The following PCDH17 variants were observed in gnomAD, a reference collection of about 807,000 sequenced individuals.
PCDH17 encodes the protein protocadherin-17.
PCDH17 carries 21 observed loss-of-function variants against 67.7 expected under a neutral mutation model. That is an observed-to-expected ratio of 0.31 (90% CI 0.22 to 0.45). PCDH17 has a LOEUF of 0.45. Among genes scored for constraint, PCDH17 ranks in the 20% least tolerant of loss-of-function variants. PCDH17 has a pLI of 1.00. For synonymous variants in PCDH17, 701 were observed against 656.7 expected (o/e 1.07, Z -1.03); for missense variants, 1,471 against 1,564.8 (o/e 0.94, Z 1.01).
intron 1 of PCDH17, among the ~76,000 whole-genome samples, chr13:57,639,298 T>C (rs1954862306): frequency 6.6e-6 from 1 of 151,948 alleles, no homozygotes; most frequent in Non-Finnish European, 1.5e-5. Flanking sequence ...AAACTTAATT[T>C]AAAATATAAT....
At chr13:57,668,281 G>A (rs1284956260) in intron 3 of PCDH17, among the ~76,000 whole-genome samples, 1 of 151,982 alleles carries the variant, frequency 6.6e-6, no homozygotes, top group East Asian at 1.9e-4. Flanking sequence ...TACACTGCAT[G>A]AGATAGACCC....
chr13:57,692,639 A>G (rs1955569595), intron 3 of PCDH17, among the ~76,000 whole-genome samples: 2 of 151,188 alleles, frequency 1.3e-5, no homozygotes, highest in Admixed American at 1.3e-4. Context: ...AAAGAACACA[A>G]ATTAACTTGT....
Position 57,662,034 on chromosome 13 carries a change from A to G in PCDH17, c.2566-4434A>G, listed in dbSNP as rs541983589. ...GCCTTGAAACCCAGTTAATTTTTGT[A>G]TTTTTCTTTTAGTAGACAAGGGATT... On this transcript the variant is annotated intron_variant, in intron 1 of 3. Coordinates refer to ENST00000377918, the MANE Select transcript of PCDH17 (RefSeq NM_001040429.3). Among the ~76,000 whole-genome samples, 5 of 151,796 alleles carry G rather than the reference A, an allele frequency of 3.3e-5. No homozygotes were observed. The East Asian group carries it at 5.8e-4, about 18-fold the overall frequency.
intron 3 of PCDH17, among the ~76,000 whole-genome samples, chr13:57,684,629 A>C (rs1375774034): frequency 6.6e-6 from 1 of 151,980 alleles, no homozygotes; most frequent in Non-Finnish European, 1.5e-5. Context: ...ATATTTCATT[A>C]ACCATCATTT....
At chr13:57,709,915 G>A (rs892804571) in intron 3 of PCDH17, among the ~76,000 whole-genome samples, 4 of 151,772 alleles carry the variant, frequency 2.6e-5, no homozygotes, top group Non-Finnish European at 5.9e-5. Flanking sequence ...TATTGTTTCT[G>A]CATTAATGCT....
Position 57,724,719 on chromosome 13 carries a change from T to G in PCDH17, c.2905T>G (p.Tyr969Asp). The G allele has an allele frequency of 6.2e-7, 1 of 1,614,084 alleles. No homozygotes were observed. Among genetic ancestry groups the G allele is most frequent in the South Asian group, 1.1e-5 (1 of 91,088 alleles). The stretch of plus-strand genomic sequence containing the variant: ...AGCCAATCAGGCTGAAAATGCAGAT[T>G]ACCGCACAAATCTCTTTGTACCTAC... ...PAANQAENAD[Y>D]RTNLFVPTVE... is the part of the protein sequence containing the mutation. The change falls in exon 4 of 4, where the codon TAC (tyrosine) becomes GAC (aspartate). Residue 969 changes from tyrosine (Y) to aspartate (D), a missense_variant. By Grantham distance (160) the Tyr-to-Asp change is radical. Around this residue, in one of 3 missense-constraint regions of PCDH17, gnomAD observed 297 missense variants for 298.6 expected, o/e 0.99. Transcript: ENST00000377918.
In PCDH17 at chr13:57,634,737, A is replaced by G. The variant is rs369746304; in HGVS notation, c.2191A>G (p.Lys731Glu). The change falls in exon 1 of 4, where the codon AAG becomes GAG. Residue 731 changes from lysine to glutamate, a missense_variant. Lys to Glu is a moderately conservative substitution (Grantham distance 56, BLOSUM62 1). This residue lies in a region of PCDH17 where 1,163 missense variants were observed against 1,230.0 expected (regional missense o/e 0.95). Coordinates refer to ENST00000377918, the MANE Select transcript of PCDH17 (RefSeq NM_001040429.3). The surrounding 1 kb of genome is among the most constrained non-coding windows in gnomAD (Gnocchi z 7.8). ...CATGATCACCATCGCCGTCAAGTGC[A>G]AGCGCGAGAACAAGGAGATCCGCAC... ...AAMITIAVKC[K>E]RENKEIRTYN... 2.0e-5 allele frequency: 32 copies of G among 1,613,978 alleles called. No homozygotes were observed. Among genetic ancestry groups the G allele is most frequent in the Non-Finnish European group, 2.7e-5 (32 of 1,180,018 alleles).
At chr13:57,638,758 TAGTGTAAACAATAAACTC>T (rs1368534264) in intron 1 of PCDH17, among the ~76,000 whole-genome samples, 2 of 151,962 alleles carry the variant, frequency 1.3e-5, no homozygotes, top group African/African-American at 4.8e-5. Flanking sequence ...TAACGTATCA[TAGTGTAAACAATAAACTC>T]AATATTGCAG....
rs1339847013 is a variant in PCDH17, at chr13:57,677,516, G to T, written c.2797+10683G>T. Among the ~76,000 whole-genome samples the T allele has an allele frequency of 2.0e-5, 3 of 151,752 alleles. No individual in the cohort carries two copies. In the East Asian group the frequency reaches 5.8e-4, roughly 29 times the overall value. The stretch of plus-strand genomic sequence containing the variant: ...GAAGATATATATACAGTGTTTCAAA[G>T]AATTGTTTGATGTATTCAGAGGAGA... On this transcript the variant is annotated intron_variant, in intron 3 of 3. Transcript: ENST00000377918.
At chr13:57,645,186 G>C (rs1031985574) in intron 1 of PCDH17, among the ~76,000 whole-genome samples, 1 of 151,556 alleles carries the variant, frequency 6.6e-6, no homozygotes. Context: ...TAAACCTCTC[G>C]ATCAGTGTTT....
At chr13:57,664,566 T>G (rs1955226677) in intron 1 of PCDH17, among the ~76,000 whole-genome samples, 1 of 152,182 alleles carries the variant, frequency 6.6e-6, no homozygotes, top group Admixed American at 6.6e-5. Flanking sequence ...TCCACTTAAT[T>G]AAAACCATTA....
intron 1 of PCDH17, among the ~76,000 whole-genome samples, chr13:57,640,959 T>A (rs573257931): frequency 2.0e-5 from 3 of 152,106 alleles, no homozygotes; most frequent in Admixed American, 2.0e-4. Context: ...GTTTAATAAA[T>A]CCCATAGGGC....
At chr13:57,713,007 G>A (rs1466225955) in intron 3 of PCDH17, among the ~76,000 whole-genome samples, 2 of 151,482 alleles carry the variant, frequency 1.3e-5, no homozygotes, top group Non-Finnish European at 3.0e-5. Context: ...ATGATGCATG[G>A]TAACATTTTC....
chr13:57,676,188 T>A (rs1955389431), intron 3 of PCDH17, among the ~76,000 whole-genome samples: 2 of 151,664 alleles, frequency 1.3e-5, no homozygotes, highest in African/African-American at 4.8e-5. Context: ...CTCAGTAATG[T>A]GGAACATTTG....
Position 57,725,078 on chromosome 13 carries a change from T to A in PCDH17, c.3264T>A (p.Pro1088=). The A allele has an allele frequency of 1.9e-6, 3 of 1,614,096 alleles. No homozygotes were observed. Residue 1088 remains proline, a synonymous_variant, in exon 4 of 4, where the codon CCT becomes CCA. Transcript: ENST00000377918. The part of the protein sequence containing the change: ...YLSPSKQPRD[P]PFMASDQMAR... ...CACCTAGTAAGCAACCAAGAGACCC[T>A]CCCTTCATGGCTTCCGATCAGATGG... is the stretch of plus-strand genomic sequence containing the variant.
At chr13:57,662,145 G>T (rs1260614091) in intron 1 of PCDH17, among the ~76,000 whole-genome samples, 2 of 152,160 alleles carry the variant, frequency 1.3e-5, no homozygotes, top group Non-Finnish European at 2.9e-5. Context: ...GGGATTACAG[G>T]CATGAGCCAC....
chr13:57,646,755 A>G (rs1377755994), intron 1 of PCDH17, among the ~76,000 whole-genome samples: 1 of 151,814 alleles, frequency 6.6e-6, no homozygotes. Context: ...ATCATATAAG[A>G]TTATCCCATG....
At position 57,633,469 on chromosome 13, in the gene PCDH17, A is replaced by C; in HGVS notation, c.923A>C (p.Asn308Thr). The part of the protein sequence containing the change: ...PKTGLIRVKG[N>T]LDYEENGMLE... ...ACCGGCCTAATCCGTGTGAAGGGCA[A>C]TCTGGACTATGAGGAAAACGGGATG... The change falls in exon 1 of 4, where the codon AAT (asparagine) becomes ACT (threonine). Residue 308 changes from asparagine (N) to threonine (T), a missense_variant. Physicochemically the swap from Asn to Thr is moderately conservative, Grantham distance 65. This residue lies in a region of PCDH17 where 1,163 missense variants were observed against 1,230.0 expected (regional missense o/e 0.95). Coordinates refer to ENST00000377918, the MANE Select transcript of PCDH17 (RefSeq NM_001040429.3). The surrounding 1 kb of genome is among the most constrained non-coding windows in gnomAD (Gnocchi z 6.2). The C allele has an allele frequency of 6.2e-7, 1 of 1,613,790 alleles. No individual in the cohort carries two copies. Among genetic ancestry groups the C allele is most frequent in the South Asian group, 1.1e-5 (1 of 91,076 alleles).
chr13:57,697,365 C>T (rs1955620345), intron 3 of PCDH17, among the ~76,000 whole-genome samples: 1 of 151,610 alleles, frequency 6.6e-6, no homozygotes, highest in Non-Finnish European at 1.5e-5. Flanking sequence ...TCAAGAGATA[C>T]TGGATTTTTA....
Sources: gnomAD v4.1 joint callset for allele counts (sites outside exome capture counted in the v4.1 genomes callset) on GRCh38, gnomAD v4.1.1 for gene constraint, gnomAD v4.1.1 regional missense constraint, Gnocchi (gnomAD v3.1) non-coding constraint, MANE v1.5 for transcripts, NCBI Gene and HGNC (gene_info 2026-07-23, HGNC 2026-07-21) for gene names.